The following SMC4 variants were observed in gnomAD, a reference collection of about 807,000 sequenced individuals.
SMC4 encodes the protein structural maintenance of chromosomes protein 4.
Under a neutral mutation model 145.6 loss-of-function variants are expected in SMC4, and 87 were observed. The observed-to-expected ratio is 0.60, with a 90% CI of 0.50 to 0.71. SMC4 has a LOEUF of 0.71. Among genes scored for constraint, SMC4 ranks in the 30% least tolerant of loss-of-function variants. The pLI, the probability that SMC4 is intolerant of heterozygous loss-of-function variation, is 0.00. For missense variants in SMC4, 1,447 were observed against 1,537.1 expected, an observed-to-expected ratio of 0.94 and a Z score of 0.98; for synonymous variants, 558 against 500.7, an observed-to-expected ratio of 1.11 and a Z score of -1.53.
chr3:160,402,253 A>G (rs1381981328), intron 3 of SMC4, among the ~76,000 whole-genome samples, 160 bp downstream of exon 3: 1 of 151,930 alleles, frequency 6.6e-6, no homozygotes, highest in Non-Finnish European at 1.5e-5. Context: ...ACACACACAC[A>G]CGTTTCATAT....
intron 9 of SMC4, among the ~76,000 whole-genome samples, chr3:160,415,145 G>A (rs1454832664): frequency 6.6e-6 from 1 of 152,170 alleles, no homozygotes; most frequent in Non-Finnish European, 1.5e-5. Flanking sequence ...GCCAAAGTTG[G>A]AGAATTGCTT....
chr3:160,433,270 C>T, intron 23 of SMC4, 61 bp downstream of exon 23: 3 of 1,134,182 alleles, frequency 2.6e-6, no homozygotes, highest in Non-Finnish European at 3.8e-6. Flanking sequence ...AAACATTACA[C>T]ATGGAATTCT....
At chr3:160,421,452 T>C (rs1717166927) in intron 13 of SMC4, among the ~76,000 whole-genome samples, 1 of 152,206 alleles carries the variant, frequency 6.6e-6, no homozygotes, top group Admixed American at 6.5e-5. Context: ...TACAATAAAA[T>C]TTATCATTTT....
chr3:160,402,832 A>G lies in SMC4; in HGVS notation c.475A>G (p.Thr159Ala). The G allele has an allele frequency of 6.3e-7, 1 of 1,583,488 alleles. No homozygotes were observed. The highest frequency in any genetic ancestry group is 8.5e-7 in the Non-Finnish European group (1 of 1,170,846). Residue 159 changes from threonine (T) to alanine (A), a missense_variant, in exon 4 of 24, where the codon ACA (threonine) becomes GCA (alanine). Transcript: ENST00000357388. ...TGAACACAAGGACATTCAGAGTTGT[A>G]CAGTAGAAGTTCATTTTCAAAAGAT... ...SDEHKDIQSC[T>A]VEVHFQKIID...
chr3:160,426,225 TGGG>T (rs567888979), intron 17 of SMC4, 25 bp downstream of exon 17: 1 of 1,552,442 alleles, frequency 6.4e-7, no homozygotes, highest in Admixed American at 2.2e-5. Context: ...AGACCTTTTT[TGGG>T]GGGAAAAAAA....
rs142785304 is a variant in SMC4, at chr3:160,422,269, A to T, written c.2020-1156A>T. On this transcript the variant is annotated intron_variant, in intron 13 of 23. Coordinates refer to ENST00000357388, the MANE Select transcript of SMC4 (RefSeq NM_001002800.3). ...GGTAATTCTATGTTTAACTTTTTGA[A>T]GAACTGTCAAGATTGTTTCCACAGT... Among the ~76,000 whole-genome samples, 132 of 152,350 alleles carry T rather than the reference A, an allele frequency of 8.7e-4. 1 individual carries two copies. Among genetic ancestry groups the T allele is most frequent in the African/African-American group, 3.1e-3 (130 of 41,584 alleles).
chr3:160,407,774 A>C (rs918721528), intron 5 of SMC4, among the ~76,000 whole-genome samples: 14 of 152,286 alleles, frequency 9.2e-5, no homozygotes, highest in African/African-American at 3.4e-4. Context: ...GTAATGCCTC[A>C]GTTTTCCAAA....
rs1446817383 is a variant in SMC4 at position 160,423,461 on chromosome 3, A to C, written c.2056A>C (p.Thr686Pro). 6.2e-7 allele frequency: 1 copy of C among 1,605,378 alleles called. No homozygotes were observed. Among genetic ancestry groups the C allele is most frequent in the African/African-American group, 1.3e-5 (1 of 74,254 alleles). ...VWAKKMTEIQ[T>P]PENTPRLFDL... Reference sequence around the variant, plus strand: ...GGCGAAAAAGATGACCGAAATTCAAACTCCTGAAAATACTCCTCGTTTATT... The same window carrying C: ...GGCGAAAAAGATGACCGAAATTCAACCTCCTGAAAATACTCCTCGTTTATT... Residue 686 changes from threonine (T) to proline (P), a missense_variant, in exon 14 of 24, where the codon ACT becomes CCT. Coordinates refer to ENST00000357388, the MANE Select transcript of SMC4 (RefSeq NM_001002800.3).
chr3:160,416,160 G>A (rs1427001817), intron 9 of SMC4, 91 bp from the exon 10 acceptor site: 7 of 820,142 alleles, frequency 8.5e-6, no homozygotes, highest in African/African-American at 1.8e-5. Flanking sequence ...AGAACTAGAG[G>A]ACCCTGAGAA....
At chr3:160,423,714 C>T in intron 14 of SMC4, 47 bp from the exon 15 acceptor site, 1 of 1,598,982 alleles carries the variant, frequency 6.3e-7, no homozygotes, top group South Asian at 1.1e-5. Context: ...TTTATTTAAT[C>T]TTGTTGGGGA....
rs571943825 is a variant in SMC4, at chr3:160,422,971, T to C, written c.2020-454T>C. Among the ~76,000 whole-genome samples, 7 of 152,338 alleles carry C rather than the reference T, an allele frequency of 4.6e-5. No individual in the cohort carries two copies. In the East Asian group the frequency reaches 1.3e-3, roughly 29 times the overall value. On this transcript the variant is annotated intron_variant, in intron 13 of 23. Transcript: ENST00000357388. ...ACCCAACCATTAATGTAAAGGTTTA[T>C]TTCTGGGCTTTCAGTTTTATTACTT...
chr3:160,413,509 T>C lies in SMC4; in HGVS notation c.1017T>C (p.Thr339=), dbSNP rs1475518507. Residue 339 remains threonine (T), a synonymous_variant, in exon 8 of 24, where the codon ACT becomes ACC. Coordinates refer to ENST00000357388, the MANE Select transcript of SMC4 (RefSeq NM_001002800.3). ...ELQKRIAEME[T]QKEKIHEDTK... ...AGAAACGAATTGCTGAAATGGAAAC[T>C]CAAAAGGAAAAAATTCATGAAGATA... 4 of 1,586,622 alleles carry C rather than the reference T, an allele frequency of 2.5e-6. No individual in the cohort carries two copies. The highest frequency in any genetic ancestry group is 1.9e-5 in the Admixed American group (1 of 51,838).
At position 160,424,854 on chromosome 3, in the gene SMC4, ACTTT is replaced by A. The variant is rs1230990606; in HGVS notation, c.2326-8_2326-5del. Reference sequence around the variant, plus strand: ...CAATCTGAAATGGCTCTTAGAGAAAACTTTCTTTGTAGGTAAACAAAATGGAATC... The same window carrying A: ...CAATCTGAAATGGCTCTTAGAGAAAACTTTGTAGGTAAACAAAATGGAATC... On this transcript the variant is annotated splice_polypyrimidine_tract_variant and intron_variant, in intron 15 of 23. Coordinates refer to ENST00000357388, the MANE Select transcript of SMC4 (RefSeq NM_001002800.3). 1.2e-6 allele frequency: 2 copies of A among 1,612,824 alleles called. No homozygotes were observed. Among genetic ancestry groups the A allele is most frequent in the Admixed American group, 3.3e-5 (2 of 59,736 alleles).
chr3:160,420,699 T>A, intron 12 of SMC4, 41 bp from the exon 13 acceptor site: 2 of 1,599,208 alleles, frequency 1.3e-6, no homozygotes, highest in Non-Finnish European at 1.7e-6. Context: ...GTCCTGTGCT[T>A]TTCTGCCTAA....
In SMC4 at chr3:160,400,881, C is replaced by T. The variant is rs1714527760; in HGVS notation, c.55C>T (p.Pro19Ser). The T allele has an allele frequency of 5.9e-6, 9 of 1,515,184 alleles. No homozygotes were observed. Among genetic ancestry groups the T allele is most frequent in the Admixed American group, 2.0e-5 (1 of 49,810 alleles). The allele number at this position is 1,515,184 out of a possible 1,614,324, so 93.9% of individuals were successfully genotyped here. Residue 19 changes from proline to serine, a missense_variant, in exon 2 of 24, where the codon CCG (proline) becomes TCG (serine). Physicochemically the swap from Pro to Ser is moderately conservative, Grantham distance 74. Coordinates refer to ENST00000357388, the MANE Select transcript of SMC4 (RefSeq NM_001002800.3). The part of the protein sequence containing the change: ...STARRREEGP[P>S]PPSPDGASSD... The stretch of plus-strand genomic sequence containing the variant: ...TGCCCGGCGCAGAGAGGAAGGGCCG[C>T]CGCCGCCGTCCCCTGACGGCGCCAG...
chr3:160,402,261 TATG>T (rs1292056476), intron 3 of SMC4, among the ~76,000 whole-genome samples, 168 bp downstream of exon 3: 1 of 152,046 alleles, frequency 6.6e-6, no homozygotes, highest in Non-Finnish European at 1.5e-5. Flanking sequence ...ACACGTTTCA[TATG>T]ATTTTAACAC....
rs755406744 is a variant in SMC4, at chr3:160,424,908, A to G, written c.2367A>G (p.Lys789=). The change falls in exon 16 of 24, where the codon AAA becomes AAG. Residue 789 remains lysine, a synonymous_variant. Transcript: ENST00000357388. ...CACAGTTGCAAAACGACTCTAAAAA[A>G]GCAATGCAAATCCAAGAACAGAAAG... The part of the protein sequence containing the change: ...MESQLQNDSK[K]AMQIQEQKVQ... The G allele has an allele frequency of 7.4e-6, 12 of 1,614,032 alleles. No individual in the cohort carries two copies. The highest frequency in any genetic ancestry group is 1.0e-5 in the Non-Finnish European group (12 of 1,180,032).
intron 18 of SMC4, 114 bp downstream of exon 18, chr3:160,429,056 C>T: frequency 1.2e-6 from 1 of 829,618 alleles, no homozygotes; most frequent in Non-Finnish European, 1.8e-6. Context: ...TTTATTGAAC[C>T]TGTCTGACAC....
rs1212767183 is a variant in SMC4 at position 160,423,470 on chromosome 3, A to T, written c.2065A>T (p.Asn689Tyr). Reference protein sequence around the residue: ...KKMTEIQTPENTPRLFDLVKV... With the variant: ...KKMTEIQTPEYTPRLFDLVKV... ...GATGACCGAAATTCAAACTCCTGAA[A>T]ATACTCCTCGTTTATTTGATTTAGT... is the stretch of plus-strand genomic sequence containing the variant. The change falls in exon 14 of 24, where the codon AAT becomes TAT. Residue 689 changes from asparagine (N) to tyrosine (Y), a missense_variant. By Grantham distance (143) the Asn-to-Tyr change is moderately radical. Coordinates refer to ENST00000357388, the MANE Select transcript of SMC4 (RefSeq NM_001002800.3). 1.9e-6 allele frequency: 3 copies of T among 1,612,138 alleles called. No homozygotes were observed. The highest frequency in any genetic ancestry group is 3.3e-5 in the Admixed American group (2 of 59,936).
Sources: allele counts gnomAD v4.1 joint callset (sites outside exome capture counted in the v4.1 genomes callset), GRCh38; gene constraint gnomAD v4.1.1; transcripts MANE v1.5; gene names NCBI Gene and HGNC (gene_info 2026-07-23, HGNC 2026-07-21).